ZFP64: variants seen among roughly 807,000 people sequenced by gnomAD.
ZFP64 encodes zinc finger protein 64.
Under a neutral mutation model 51.6 loss-of-function variants are expected in ZFP64, and 14 were observed. The observed-to-expected ratio is 0.27, with a 90% CI of 0.18 to 0.42. ZFP64 has a LOEUF of 0.42. Ranked by LOEUF, ZFP64 falls within the 10% of genes least tolerant of loss-of-function variation. ZFP64 has a pLI of 1.00. For missense variants in ZFP64, 754 were observed against 906.8 expected, an observed-to-expected ratio of 0.83 and a Z score of 2.16; for synonymous variants, 375 against 361.4, an observed-to-expected ratio of 1.04 and a Z score of -0.43.
chr20:52,124,112 C>A (rs532812843), intron 5 of ZFP64, among the ~76,000 whole-genome samples: 1 of 151,554 alleles, frequency 6.6e-6, no homozygotes, highest in East Asian at 1.9e-4. Flanking sequence ...CCTTGCGATC[C>A]GCCTGCCTCG....
intron 5 of ZFP64, among the ~76,000 whole-genome samples, chr20:52,100,787 G>A (rs1379417093): frequency 1.3e-5 from 2 of 152,146 alleles, no homozygotes; most frequent in African/African-American, 4.8e-5. Context: ...CTGAGCTTCA[G>A]TTTACTCGTT....
intron 3 of ZFP64, 45 bp downstream of exon 3, chr20:52,165,819 A>T: frequency 6.2e-7 from 1 of 1,612,476 alleles, no homozygotes; most frequent in Non-Finnish European, 8.5e-7. Context: ...GAGCCTGGTT[A>T]AATATCACAC....
At position 52,143,056 on chromosome 20, in the gene ZFP64, A is replaced by G. The variant is rs1980354978; in HGVS notation, c.763+17067T>C. Among the ~76,000 whole-genome samples, 2 of 142,578 alleles carry G rather than the reference A, an allele frequency of 1.4e-5. 1 individual carries two copies. The highest frequency in any genetic ancestry group is 3.1e-5 in the Non-Finnish European group (2 of 64,282). The allele number at this position is 142,578 out of a possible 152,430, so 93.5% of individuals were successfully genotyped here. Reference sequence around the variant, plus strand: ...TGATTGTCAGCATTTTTTTAGCAACATAGTATTTTTAAATTAAAGTATGTA... The same window carrying G: ...TGATTGTCAGCATTTTTTTAGCAACGTAGTATTTTTAAATTAAAGTATGTA... On this transcript the variant is annotated intron_variant, in intron 5 of 8. Transcript: ENST00000361387.
At chr20:52,136,669 T>C (rs1328037053) in intron 5 of ZFP64, among the ~76,000 whole-genome samples, 1 of 152,186 alleles carries the variant, frequency 6.6e-6, no homozygotes, top group Non-Finnish European at 1.5e-5. Context: ...CAGGCCTATC[T>C]ACCTCATTAA....
chr20:52,142,044 G>A (rs1196675056), intron 5 of ZFP64, among the ~76,000 whole-genome samples: 1 of 152,098 alleles, frequency 6.6e-6, no homozygotes, highest in Non-Finnish European at 1.5e-5. Flanking sequence ...TACAGACTCA[G>A]AAGGATGGGA....
intron 5 of ZFP64, among the ~76,000 whole-genome samples, chr20:52,099,274 A>G (rs1441174490): frequency 6.6e-6 from 1 of 152,142 alleles, no homozygotes. Context: ...AAAAGAGCCC[A>G]ATCATTAGAT....
intron 6 of ZFP64, among the ~76,000 whole-genome samples, chr20:52,098,164 A>G (rs950431554): frequency 9.0e-6 from 1 of 111,210 alleles, no homozygotes; most frequent in African/African-American, 3.8e-5. Flanking sequence ...CAAGAGTGAA[A>G]CTGTCTCCAA....
In ZFP64 at chr20:52,152,555, A is replaced by T; in HGVS notation, c.1637T>A (p.Val546Asp). Reference protein sequence around the residue: ...GNSRLQILRQVSLIAPPQSSR... With the variant: ...GNSRLQILRQDSLIAPPQSSR... ...GGACTGAGGGGGGGCGATCAGACTGACCTGGCGCAGGATCTGCAGCCGGCT... is the reference window on the plus strand; with the variant it reads ...GGACTGAGGGGGGGCGATCAGACTGTCCTGGCGCAGGATCTGCAGCCGGCT... Residue 546 changes from valine to aspartate, a missense_variant, in exon 6 of 6, where the codon GTC (valine) becomes GAC (aspartate). Physicochemically the swap from Val to Asp is radical, Grantham distance 152 (BLOSUM62 -3). Transcript: ENST00000216923. 6.3e-7 allele frequency: 1 copy of T among 1,575,248 alleles called. No homozygotes were observed. Among genetic ancestry groups the T allele is most frequent in the Non-Finnish European group, 8.6e-7 (1 of 1,162,270 alleles).
In ZFP64 at chr20:52,105,141, C is replaced by G. The variant is rs1438571654; in HGVS notation, c.764-6554G>C. On this transcript the variant is annotated intron_variant, in intron 5 of 8. Transcript: ENST00000361387. ...CAGCGGCGCTACTCACCCGGCTCCC[C>G]CGCCACCTGCGGGGCCACCTCCGCA... 3.5e-6 allele frequency: 5 copies of G among 1,433,976 alleles called. No individual in the cohort carries two copies. The African/African-American group carries it at 4.5e-5, about 13-fold the overall frequency. The allele number at this position is 1,433,976 out of a possible 1,614,324, so 88.8% of individuals were successfully genotyped here.
At chr20:52,149,759 ATGTATGTATGTATG>A (rs1433351311), downstream of ZFP64, among the ~76,000 whole-genome samples, 8 of 152,108 alleles carry the variant, frequency 5.3e-5, no homozygotes, top group African/African-American at 1.9e-4. Context: ...ATGCATGTGT[ATGTATGTATGTATG>A]TGTATGTATT....
chr20:52,086,058 T>G, intron 8 of ZFP64, among the ~76,000 whole-genome samples: 1 of 152,234 alleles, frequency 6.6e-6, no homozygotes, highest in African/African-American at 2.4e-5. Context: ...CTTCTGAGAT[T>G]TTTTGAGGAT....
intron 5 of ZFP64, chr20:52,098,663 G>A: frequency 2.5e-6 from 4 of 1,583,580 alleles, no homozygotes; most frequent in Non-Finnish European, 3.5e-6. Context: ...AGTAGGTTTG[G>A]GCTTATTTCA....
At chr20:52,148,767 G>T (rs1426041546), downstream of ZFP64, among the ~76,000 whole-genome samples, 2 of 151,410 alleles carry the variant, frequency 1.3e-5, no homozygotes, top group East Asian at 1.9e-4. Context: ...AAATAAGCAA[G>T]CAGTAAAAAC....
At chr20:52,161,195 T>C (rs1016854911) in intron 4 of ZFP64, among the ~76,000 whole-genome samples, 2 of 152,226 alleles carry the variant, frequency 1.3e-5, no homozygotes, top group African/African-American at 2.4e-5. Flanking sequence ...TTTGAGCTGG[T>C]GTTTCAGTTT....
intron 5 of ZFP64, among the ~76,000 whole-genome samples, chr20:52,100,992 TG>T (rs1231184739): frequency 6.6e-6 from 1 of 152,174 alleles, no homozygotes; most frequent in Non-Finnish European, 1.5e-5. Flanking sequence ...GGCTCTCAAC[TG>T]GGGGCCATTC....
chr20:52,125,401 T>G (rs1274246169), intron 5 of ZFP64, among the ~76,000 whole-genome samples: 1 of 152,196 alleles, frequency 6.6e-6, no homozygotes, highest in Non-Finnish European at 1.5e-5. Context: ...CAAGACTGCC[T>G]ATGATGCTGC....
chr20:52,086,680 G>A lies in ZFP64; in HGVS notation c.1229-1414C>T, dbSNP rs539812542. On this transcript the variant is annotated intron_variant, in intron 8 of 8. Transcript: ENST00000361387. ...TTTTTAGTAGAGACGGGGTTTCACC[G>A]TGTTAGCCAGGATGGTTTCGATCTC... Among the ~76,000 whole-genome samples, 680 of 152,054 alleles carry A rather than the reference G, an allele frequency of 4.5e-3. 4 individuals carry two copies. The highest frequency in any genetic ancestry group is 0.015 in the African/African-American group (640 of 41,478).
At position 52,124,651 on chromosome 20, in the gene ZFP64, C is replaced by T. The variant is rs560631940; in HGVS notation, c.764-26064G>A. Among the ~76,000 whole-genome samples, 19 of 152,042 alleles carry T rather than the reference C, an allele frequency of 1.2e-4. No homozygotes were observed. In the South Asian group the frequency reaches 3.7e-3, roughly 30 times the overall value. On this transcript the variant is annotated intron_variant, in intron 5 of 8. Coordinates refer to the ZFP64 transcript ENST00000361387. Reference sequence around the variant, plus strand: ...TTGAAACAGGGTCTTGCTCCATCACCCAGCCTGGAGTACAGTGGTGCAATC... The same window carrying T: ...TTGAAACAGGGTCTTGCTCCATCACTCAGCCTGGAGTACAGTGGTGCAATC...
chr20:52,085,066 G>T lies in ZFP64; in HGVS notation c.1429C>A (p.Arg477=). The T allele has an allele frequency of 6.2e-7, 1 of 1,614,214 alleles. No individual in the cohort carries two copies. Among genetic ancestry groups the T allele is most frequent in the South Asian group, 1.1e-5 (1 of 91,084 alleles). Residue 477 remains arginine, a synonymous_variant, in exon 9 of 9, where the codon CGG becomes AGG. Coordinates refer to the ZFP64 transcript ENST00000361387. This position sits in a 1 kb window ranked among gnomAD's most constrained non-coding sequence, Gnocchi z 4.3. The stretch of plus-strand genomic sequence containing the variant: ...TGCTCCAGGAGGTCAGCCCGGTCCC[G>T]GCCCTGGAAGGCACAGTGCAGACAT...
Sources: gnomAD v4.1 joint callset for allele counts (sites outside exome capture counted in the v4.1 genomes callset) on GRCh38, gnomAD v4.1.1 for gene constraint, Gnocchi (gnomAD v3.1) non-coding constraint, MANE v1.5 for transcripts, NCBI Gene and HGNC (gene_info 2026-07-23, HGNC 2026-07-21) for gene names.